Variants in FBXO17 observed in about 807,000 individuals in gnomAD.
The protein encoded by FBXO17 is F-box protein 17, also known as F-box only protein 17.
A neutral mutation model predicts 34.1 loss-of-function variants in FBXO17; 43 were observed. The ratio of observed to expected loss-of-function variants is 1.26; its 90% CI spans 0.99 to 1.62. The LOEUF is 1.62. FBXO17 is among the 40% of genes most tolerant of loss of function. The pLI is 0.00. For synonymous variants in FBXO17, 169 were observed against 166.0 expected (o/e 1.02, Z -0.14); for missense variants, 424 against 386.7 (o/e 1.10, Z -0.81).
intron 1 of FBXO17, among the ~76,000 whole-genome samples, chr19:38,965,282 C>T (rs1262330754): frequency 6.6e-6 from 1 of 151,980 alleles, no homozygotes; most frequent in Non-Finnish European, 1.5e-5. Flanking sequence ...CACATGTGGC[C>T]CACCCTCTTT....
chr19:38,945,144 G>T (rs1376817415), intron 4 of FBXO17, 40 bp from the exon 5 acceptor site: 1 of 1,610,872 alleles, frequency 6.2e-7, no homozygotes, highest in African/African-American at 1.3e-5. Context: ...CCGTCACCCA[G>T]CCAGCTCTCT....
In FBXO17 at chr19:38,954,094, C is replaced by A. The variant is rs144386251; in HGVS notation, c.-17-3758G>T. The stretch of plus-strand genomic sequence containing the variant: ...GGCTGCCAGGCAGCATTGGGGTCCG[C>A]CTGAGGGTCAAGTTCACAGACTTGA... On this transcript the variant is annotated intron_variant, in intron 1 of 5. Transcript: ENST00000292852. Among the ~76,000 whole-genome samples the A allele has an allele frequency of 5.9e-4, 89 of 152,022 alleles. 1 individual carries two copies. In the East Asian group the frequency reaches 0.011, roughly 18 times the overall value.
intron 1 of FBXO17, among the ~76,000 whole-genome samples, chr19:38,969,251 C>T (rs1335376738): frequency 6.6e-6 from 1 of 151,654 alleles, no homozygotes; most frequent in East Asian, 1.9e-4. Context: ...GAGTTCAAGA[C>T]GAGCCTGGGC....
chr19:38,973,796 G>A (rs946907382), intron 1 of FBXO17, among the ~76,000 whole-genome samples: 11 of 151,536 alleles, frequency 7.3e-5, no homozygotes, highest in Non-Finnish European at 1.5e-4. Flanking sequence ...TGGGTAACAC[G>A]GCAAAACCCC....
At chr19:38,963,545 G>C (rs1975281276) in intron 1 of FBXO17, among the ~76,000 whole-genome samples, 1 of 151,830 alleles carries the variant, frequency 6.6e-6, no homozygotes. Flanking sequence ...TTCCCAGCTT[G>C]GCCTCCCAAA....
At chr19:38,951,705 C>G (rs1975086363) in intron 1 of FBXO17, among the ~76,000 whole-genome samples, 1 of 146,408 alleles carries the variant, frequency 6.8e-6, no homozygotes, top group East Asian at 2.1e-4. Context: ...GGCTGGAATG[C>G]AGTGGCCCGT....
At chr19:38,953,841 C>T (rs975072461) in intron 1 of FBXO17, among the ~76,000 whole-genome samples, 1 of 151,880 alleles carries the variant, frequency 6.6e-6, no homozygotes, top group African/African-American at 2.4e-5. Flanking sequence ...GGTGATGGGA[C>T]AGTCACAGCA....
intron 5 of FBXO17, among the ~76,000 whole-genome samples, chr19:38,944,254 C>G (rs1013267984): frequency 2.0e-4 from 14 of 71,328 alleles, no homozygotes; most frequent in Non-Finnish European, 3.4e-4. Context: ...TCTGATCTGA[C>G]TCATTATTAT....
At chr19:38,945,338 G>A in intron 4 of FBXO17, 1 of 585,382 alleles carries the variant, frequency 1.7e-6, no homozygotes. Context: ...GCCTGGGGGA[G>A]GAGCCTGGGT....
At chr19:38,967,956 G>A (rs755304462) in intron 1 of FBXO17, among the ~76,000 whole-genome samples, 5 of 151,894 alleles carry the variant, frequency 3.3e-5, no homozygotes, top group South Asian at 4.2e-4. Flanking sequence ...AGGTGTAGTC[G>A]AGGATATAAA....
chr19:38,945,124 C>T lies in FBXO17; in HGVS notation c.558-20G>A, dbSNP rs765422295. 1.6e-5 allele frequency: 26 copies of T among 1,613,268 alleles called. No homozygotes were observed. The East Asian group carries it at 5.1e-4, about 32-fold the overall frequency. ...CCCCACCTGCCAGGCAGCAGTCAGCCTCTATGCCCCCGTCACCCAGCCAGC... is the reference window on the plus strand; with the variant it reads ...CCCCACCTGCCAGGCAGCAGTCAGCTTCTATGCCCCCGTCACCCAGCCAGC... On this transcript the variant is annotated intron_variant, in intron 4 of 5. Transcript: ENST00000292852.
intron 3 of FBXO17, 140 bp downstream of exon 3, chr19:38,948,427 T>G (rs1975018901): frequency 3.1e-6 from 2 of 650,094 alleles, no homozygotes; most frequent in Non-Finnish European, 5.2e-6. Context: ...AAGTATTTGT[T>G]GATTGATGGA....
chr19:38,950,040 A>G lies in FBXO17; in HGVS notation c.280T>C (p.Cys94Arg). Residue 94 changes from cysteine (C) to arginine (R), a missense_variant, in exon 2 of 6, where the codon TGC becomes CGC. By Grantham distance (180) the Cys-to-Arg change is radical. Transcript: ENST00000292852. ...CGCAGACAGTAGCGCGCCAGGGCGC[A>G]CAGCGGGAACTCCTCCTTGTCTTCG... ...SNEDKEEFPLCALARYCLRAP... is the reference protein window; with the variant it reads ...SNEDKEEFPLRALARYCLRAP... 1.1e-5 allele frequency: 18 copies of G among 1,567,052 alleles called. No homozygotes were observed. The highest frequency in any genetic ancestry group is 1.3e-5 in the Non-Finnish European group (15 of 1,157,422).
In FBXO17 at chr19:38,975,695, G is replaced by A. The variant is rs1166943870; in HGVS notation, c.-127C>T. On this transcript the variant is annotated 5_prime_UTR_variant, in exon 1 of 6. Transcript: ENST00000292852. The surrounding 1 kb of genome is among the most constrained non-coding windows in gnomAD (Gnocchi z 4.9). ...GATCGGCGTGGCCCAGGGGGCCCCG[G>A]GACCGGCGGTCTGGGCGGTCGGTCC... 1 of 152,026 alleles carries A rather than the reference G, an allele frequency of 6.6e-6. No individual in the cohort carries two copies. Among genetic ancestry groups the A allele is most frequent in the Non-Finnish European group, 1.5e-5 (1 of 67,934 alleles). The allele number at this position is 152,026 out of a possible 1,614,324, so 9.4% of individuals were successfully genotyped here. A position where few individuals can be genotyped will look rare whatever the true frequency, so the allele number is the denominator to read the frequency against.
At chr19:38,949,088 C>T (rs1409122217) in intron 2 of FBXO17, among the ~76,000 whole-genome samples, 1 of 151,988 alleles carries the variant, frequency 6.6e-6, no homozygotes, top group Non-Finnish European at 1.5e-5. Context: ...TGCCACCACG[C>T]CTGGCTAATT....
intron 1 of FBXO17, among the ~76,000 whole-genome samples, chr19:38,962,940 G>T (rs994259793): frequency 2.6e-5 from 4 of 151,988 alleles, no homozygotes; most frequent in Admixed American, 1.3e-4. Flanking sequence ...TCGATCTCTT[G>T]ACCTCGTGAT....
At chr19:38,969,668 C>T (rs1352457655) in intron 1 of FBXO17, among the ~76,000 whole-genome samples, 2 of 141,294 alleles carry the variant, frequency 1.4e-5, no homozygotes, top group African/African-American at 5.4e-5. Flanking sequence ...ATGATCTCGA[C>T]TCACTGCAAC....
rs201074654 is a variant in FBXO17 at position 38,958,894 on chromosome 19, TTCTC to T, written c.-17-8562_-17-8559del. On this transcript the variant is annotated intron_variant, in intron 1 of 5. Coordinates refer to ENST00000292852, the MANE Select transcript of FBXO17 (RefSeq NM_024907.7). The stretch of plus-strand genomic sequence containing the variant: ...GAAGGGACATTGCTAAGGGATTTCA[TTCTC>T]TCTCTCTTTCTCTCTCTTTTTAAGA... Among the ~76,000 whole-genome samples the T allele has an allele frequency of 2.5e-3, 381 of 152,142 alleles. 4 individuals carry two copies. Among genetic ancestry groups the T allele is most frequent in the African/African-American group, 8.7e-3 (362 of 41,526 alleles).
intron 1 of FBXO17, among the ~76,000 whole-genome samples, chr19:38,965,247 T>A (rs1975303802): frequency 6.6e-6 from 1 of 152,066 alleles, no homozygotes; most frequent in Non-Finnish European, 1.5e-5. Flanking sequence ...CAGGACTGGC[T>A]TCATGGGCAT....
Sources: allele counts gnomAD v4.1 joint callset (sites outside exome capture counted in the v4.1 genomes callset), GRCh38; gene constraint gnomAD v4.1.1; non-coding constraint Gnocchi (gnomAD v3.1); transcripts MANE v1.5; gene names NCBI Gene and HGNC (gene_info 2026-07-23, HGNC 2026-07-21).